The following DENND1A variants were observed in gnomAD, a reference collection of about 807,000 sequenced individuals.
DENND1A encodes the protein DENN domain containing 1A, also known as DENN domain-containing protein 1A.
In DENND1A, 51 loss-of-function variants were observed where a neutral mutation model predicts 113.7. The ratio of observed to expected loss-of-function variants is 0.45; its 90% CI spans 0.36 to 0.57. The LOEUF (loss-of-function observed/expected upper bound fraction) is 0.57, where lower values mean the gene tolerates loss of function less well. Among genes scored for constraint, DENND1A ranks in the 20% least tolerant of loss-of-function variants. The pLI is 0.00. For missense variants in DENND1A, 1,258 were observed against 1,395.9 expected (o/e 0.90, Z 1.57); for synonymous variants, 565 against 570.8 (o/e 0.99, Z 0.14).
chr9:123,648,855 C>G (rs2062485276), intron 9 of DENND1A, among the ~76,000 whole-genome samples: 2 of 152,024 alleles, frequency 1.3e-5, no homozygotes. Flanking sequence ...ATGTGGACAG[C>G]CAATTATTGA....
intron 1 of DENND1A, among the ~76,000 whole-genome samples, chr9:123,903,488 A>G (rs903368378): frequency 2.6e-5 from 4 of 152,078 alleles, no homozygotes; most frequent in Non-Finnish European, 5.9e-5. Flanking sequence ...GGAGTGCCAG[A>G]CAGTGGGCGC....
At chr9:123,449,533 CAA>C (rs34903069) in intron 18 of DENND1A, among the ~76,000 whole-genome samples, 13 of 72,614 alleles carry the variant, frequency 1.8e-4, no homozygotes, top group South Asian at 1.3e-3. Flanking sequence ...GACTCCGTCT[CAA>C]AAAAAAAAAA....
At chr9:123,399,537 C>G (rs941972843) in intron 21 of DENND1A, among the ~76,000 whole-genome samples, 10 of 152,136 alleles carry the variant, frequency 6.6e-5, no homozygotes, top group African/African-American at 2.4e-4. Context: ...CCGGCTAATA[C>G]CTCTGACAAC....
intron 9 of DENND1A, among the ~76,000 whole-genome samples, chr9:123,632,484 C>T (rs1178268313): frequency 6.6e-6 from 1 of 152,148 alleles, no homozygotes; most frequent in African/African-American, 2.4e-5. Flanking sequence ...AATGAACCAA[C>T]TCTGACCTGA....
chr9:123,561,912 T>TA (rs2057780665), intron 12 of DENND1A, among the ~76,000 whole-genome samples: 1 of 152,136 alleles, frequency 6.6e-6, no homozygotes, highest in African/African-American at 2.4e-5. Flanking sequence ...CCAACCCAGA[T>TA]ATGCCCTGAA....
At chr9:123,433,173 T>C (rs1016084900) in intron 19 of DENND1A, among the ~76,000 whole-genome samples, 2 of 152,186 alleles carry the variant, frequency 1.3e-5, no homozygotes, top group South Asian at 2.1e-4. Flanking sequence ...TAGCAACCTA[T>C]GACGTGGACC....
At chr9:123,915,305 G>A (rs1307655033) in intron 1 of DENND1A, among the ~76,000 whole-genome samples, 1 of 152,050 alleles carries the variant, frequency 6.6e-6, no homozygotes, top group African/African-American at 2.4e-5. Context: ...ACCCGATCTA[G>A]TGGAGTTAAA....
chr9:123,596,490 A>G (rs2059697752), intron 11 of DENND1A, among the ~76,000 whole-genome samples: 1 of 152,230 alleles, frequency 6.6e-6, no homozygotes, highest in Non-Finnish European at 1.5e-5. Context: ...CACATTTTAC[A>G]GAAGAACAAC....
chr9:123,537,012 AAAGAGAC>A (rs2055839312), intron 13 of DENND1A, among the ~76,000 whole-genome samples: 1 of 152,238 alleles, frequency 6.6e-6, no homozygotes, highest in Admixed American at 6.5e-5. Flanking sequence ...AGAAAAATAA[AAAGAGAC>A]AGAATAACAG....
chr9:123,914,296 T>G (rs565290171), intron 1 of DENND1A, among the ~76,000 whole-genome samples: 4 of 151,980 alleles, frequency 2.6e-5, no homozygotes, highest in African/African-American at 7.2e-5. Context: ...CCCAGCACTT[T>G]GGGAGGCCGA....
intron 18 of DENND1A, among the ~76,000 whole-genome samples, chr9:123,442,688 G>A (rs772726152): frequency 6.6e-6 from 1 of 152,100 alleles, no homozygotes; most frequent in African/African-American, 2.4e-5. Context: ...TAGAAAAAAA[G>A]AACAATTCAT....
intron 9 of DENND1A, among the ~76,000 whole-genome samples, chr9:123,645,241 C>T (rs918680847): frequency 1.3e-5 from 2 of 152,130 alleles, no homozygotes; most frequent in African/African-American, 2.4e-5. Context: ...AGACAGCACT[C>T]GAGTGCTAGA....
intron 12 of DENND1A, among the ~76,000 whole-genome samples, chr9:123,564,214 T>C (rs1191989271): frequency 2.6e-5 from 4 of 152,266 alleles, no homozygotes; most frequent in Admixed American, 2.6e-4. Context: ...AATACCCTTT[T>C]AATACACATT....
rs879831600 is a variant in DENND1A at position 123,635,864 on chromosome 9, T to C, written c.619-5388A>G. Among the ~76,000 whole-genome samples the C allele has an allele frequency of 1.3e-4, 20 of 152,356 alleles. No homozygotes were observed. The South Asian group carries it at 3.1e-3, about 24-fold the overall frequency. On this transcript the variant is annotated intron_variant, in intron 9 of 23. Coordinates refer to ENST00000394215, the MANE Select transcript of DENND1A (RefSeq NM_001352964.2). ...TTTCACATACTTGCTCCGAGTCTTC[T>C]GCTAACTTTTTGACCTGGGCAAGCC...
At chr9:123,656,262 GGGGGCAGGGGAGCTA>G (rs2139556245) in intron 8 of DENND1A, among the ~76,000 whole-genome samples, 1 of 152,212 alleles carries the variant, frequency 6.6e-6, no homozygotes, top group African/African-American at 2.4e-5. Context: ...AGGGAGAGCA[GGGGGCAGGGGAGCTA>G]GGGACAGGGC....
chr9:123,680,387 G>T (rs1028580107), intron 5 of DENND1A, among the ~76,000 whole-genome samples: 1 of 152,184 alleles, frequency 6.6e-6, no homozygotes, highest in East Asian at 1.9e-4. Flanking sequence ...GGGTCCCACC[G>T]GCCCTTGTAA....
chr9:123,567,630 CT>C (rs1181113299), intron 12 of DENND1A, among the ~76,000 whole-genome samples: 1 of 152,210 alleles, frequency 6.6e-6, no homozygotes, highest in Non-Finnish European at 1.5e-5. Flanking sequence ...CAAAAGCCAC[CT>C]TTCCATTTAA....
At chr9:123,728,479 C>CAAAAAAAAAAAAAAAAAAAAAAAAAAAAA (rs60761810) in intron 5 of DENND1A, among the ~76,000 whole-genome samples, 5 of 25,194 alleles carry the variant, frequency 2.0e-4, no homozygotes, top group East Asian at 1.5e-3. Context: ...CTCTGTCTCC[C>CAAAAAAAAAAAAAAAAAAAAAAAAAAAAA]AAAAAAAAAA....
chr9:123,630,584 G>T, intron 9 of DENND1A, 108 bp from the exon 10 acceptor site: 1 of 680,878 alleles, frequency 1.5e-6, no homozygotes. Flanking sequence ...TACATGATAA[G>T]CTGAAAAACC....
Sources: allele counts gnomAD v4.1 joint callset (sites outside exome capture counted in the v4.1 genomes callset), GRCh38; gene constraint gnomAD v4.1.1; transcripts MANE v1.5; gene names NCBI Gene and HGNC (gene_info 2026-07-23, HGNC 2026-07-21).